SCEL: variants seen among roughly 807,000 people sequenced by gnomAD.
The protein encoded by SCEL is sciellin.
SCEL carries 113 observed loss-of-function variants against 117.6 expected under a neutral mutation model. The observed-to-expected ratio is 0.96, with a 90% CI of 0.83 to 1.12. SCEL has a LOEUF of 1.12. Ranked by LOEUF, SCEL falls within the 50% of genes most tolerant of loss-of-function variation. The pLI, the probability that SCEL is intolerant of heterozygous loss-of-function variation, is 0.00. For missense variants in SCEL, 785 were observed against 810.8 expected, an observed-to-expected ratio of 0.97 and a Z score of 0.39; for synonymous variants, 270 against 256.2, an observed-to-expected ratio of 1.05 and a Z score of -0.51.
chr13:77,621,362 C>A (rs2089407315), intron 27 of SCEL, among the ~76,000 whole-genome samples: 1 of 152,106 alleles, frequency 6.6e-6, no homozygotes, highest in Admixed American at 6.6e-5. Flanking sequence ...ACCCACACAC[C>A]CTCTAACTTG....
At chr13:77,618,834 A>G (rs1231054055) in intron 27 of SCEL, among the ~76,000 whole-genome samples, 1 of 152,198 alleles carries the variant, frequency 6.6e-6, no homozygotes, top group African/African-American at 2.4e-5. Flanking sequence ...ATTAGAATGC[A>G]TGTCTGTAGA....
intron 13 of SCEL, among the ~76,000 whole-genome samples, chr13:77,598,182 C>T (rs1183633588): frequency 1.3e-5 from 2 of 152,054 alleles, no homozygotes; most frequent in African/African-American, 4.8e-5. Context: ...GCTGTATCTT[C>T]TTGTTTTGAA....
intron 15 of SCEL, 50 bp from the exon 16 acceptor site, chr13:77,602,015 G>T (rs776095859): frequency 4.1e-6 from 6 of 1,457,114 alleles, no homozygotes; most frequent in Non-Finnish European, 4.7e-6. Flanking sequence ...TCACTGAGTT[G>T]CTCTTGCCTC....
chr13:77,636,247 A>G (rs2090272300), intron 29 of SCEL, among the ~76,000 whole-genome samples: 1 of 152,184 alleles, frequency 6.6e-6, no homozygotes, highest in African/African-American at 2.4e-5. Flanking sequence ...TCCAGTCTCA[A>G]GTTTCCTCAT....
chr13:77,618,344 C>A (rs1205156859), intron 27 of SCEL, among the ~76,000 whole-genome samples: 1 of 151,580 alleles, frequency 6.6e-6, no homozygotes, highest in Non-Finnish European at 1.5e-5. Context: ...TCATGCCCAG[C>A]AAATTTTTTA....
intron 9 of SCEL, among the ~76,000 whole-genome samples, chr13:77,584,894 T>G (rs576650793): frequency 6.6e-6 from 1 of 152,356 alleles, no homozygotes; most frequent in East Asian, 1.9e-4. Context: ...AACAAAATAC[T>G]GTAGAATCTG....
intron 32 of SCEL, among the ~76,000 whole-genome samples, chr13:77,643,647 T>C (rs1464602936): frequency 1.3e-5 from 2 of 152,114 alleles, no homozygotes; most frequent in African/African-American, 2.4e-5. Flanking sequence ...ATCCAAAGTA[T>C]GGAATTTAAT....
At chr13:77,620,244 A>G (rs1426206227) in intron 27 of SCEL, among the ~76,000 whole-genome samples, 1 of 152,174 alleles carries the variant, frequency 6.6e-6, no homozygotes, top group Non-Finnish European at 1.5e-5. Context: ...TATTTGAAAA[A>G]AGTGACTTCA....
chr13:77,615,327 A>G (rs1245096733), intron 24 of SCEL, among the ~76,000 whole-genome samples: 1 of 152,110 alleles, frequency 6.6e-6, no homozygotes, highest in African/African-American at 2.4e-5. Flanking sequence ...TAGTCTTTAC[A>G]TCACAGCACA....
In SCEL at chr13:77,602,713, G is replaced by T; in HGVS notation, c.1037G>T (p.Arg346Ile). Residue 346 changes from arginine to isoleucine, a missense_variant and splice_region_variant, in exon 17 of 33, where the codon AGA becomes ATA. Arg to Ile is a moderately conservative substitution (Grantham distance 97). Coordinates refer to ENST00000349847, the MANE Select transcript of SCEL (RefSeq NM_144777.3). ...VNARMNKTSR[R>I]SEDLDNATEV... ...GCCAGGATGAATAAAACGAGCAGAA[G>T]GTGAGAACTGAACAGATGTCTCTAA... 6.2e-7 allele frequency: 1 copy of T among 1,612,612 alleles called. No homozygotes were observed. Among genetic ancestry groups the T allele is most frequent in the Non-Finnish European group, 8.5e-7 (1 of 1,178,828 alleles).
chr13:77,541,308 A>C (rs1391899339), intron 1 of SCEL, among the ~76,000 whole-genome samples: 1 of 152,212 alleles, frequency 6.6e-6, no homozygotes, highest in African/African-American at 2.4e-5. Context: ...TTCACCTATT[A>C]TATTATTAAA....
chr13:77,567,861 C>G (rs1030685897), intron 6 of SCEL, 113 bp downstream of exon 6: 14 of 685,050 alleles, frequency 2.0e-5, no homozygotes, highest in Non-Finnish European at 3.2e-5. Flanking sequence ...AATTCTTAGT[C>G]TCTATCATTA....
At chr13:77,553,784 A>C (rs2084489865) in intron 1 of SCEL, among the ~76,000 whole-genome samples, 1 of 151,898 alleles carries the variant, frequency 6.6e-6, no homozygotes, top group South Asian at 2.1e-4. Context: ...CAATAATTAG[A>C]CACTTTACAT....
rs2090721165 is a variant in SCEL, at chr13:77,644,922, T to G, written c.*648T>G. The G allele has an allele frequency of 1.3e-5, 2 of 152,236 alleles. No homozygotes were observed. Among genetic ancestry groups the G allele is most frequent in the Admixed American group, 1.3e-4 (2 of 15,280 alleles). 9.4% of individuals were successfully genotyped at this position (152,236 alleles called of 1,614,324 possible). A position where few individuals can be genotyped will look rare whatever the true frequency, so the allele number is the denominator to read the frequency against. On this transcript the variant is annotated 3_prime_UTR_variant, in exon 33 of 33. Transcript: ENST00000349847. ...ATCATTAGCTCTTTGGAAACATATA[T>G]GCATACATGTTTGTTAAGCCTATTG... is the stretch of plus-strand genomic sequence containing the variant.
At position 77,556,592 on chromosome 13, in the gene SCEL, A is replaced by G. The variant is rs766043783; in HGVS notation, c.44-4A>G. On this transcript the variant is annotated splice_region_variant and splice_polypyrimidine_tract_variant and intron_variant, in intron 2 of 32. Coordinates refer to ENST00000349847, the MANE Select transcript of SCEL (RefSeq NM_144777.3). Reference sequence around the variant, plus strand: ...CTTCCAGTCTTTCATGTTTCTGTTGATAGAGATGAAGAGCACCACTCAGGG... The same window carrying G: ...CTTCCAGTCTTTCATGTTTCTGTTGGTAGAGATGAAGAGCACCACTCAGGG... 1 of 1,611,052 alleles carries G rather than the reference A, an allele frequency of 6.2e-7. No homozygotes were observed. Among genetic ancestry groups the G allele is most frequent in the East Asian group, 2.2e-5 (1 of 44,852 alleles).
chr13:77,599,009 A>G (rs962682035), intron 13 of SCEL, among the ~76,000 whole-genome samples: 15 of 152,132 alleles, frequency 9.9e-5, no homozygotes, highest in Admixed American at 9.8e-4. Flanking sequence ...GTGTGTCCTG[A>G]CCATCATTGT....
Position 77,597,596 on chromosome 13 carries a change from T to C in SCEL, c.797+7T>C. On this transcript the variant is annotated splice_region_variant and intron_variant, in intron 13 of 32. Transcript: ENST00000349847. ...TGAACAAAAGCTTGAATAGGTAAGA[T>C]TTTTAAATGTTTATCTTTTATTACT... 1 of 1,408,872 alleles carries C rather than the reference T, an allele frequency of 7.1e-7. No homozygotes were observed. Among genetic ancestry groups the C allele is most frequent in the Non-Finnish European group, 9.7e-7 (1 of 1,027,018 alleles). 87.3% of individuals were successfully genotyped at this position (1,408,872 alleles called of 1,614,324 possible). A position where few individuals can be genotyped will look rare whatever the true frequency, so the allele number is the denominator to read the frequency against.
intron 11 of SCEL, among the ~76,000 whole-genome samples, chr13:77,592,523 G>A (rs1352671491): frequency 2.0e-5 from 3 of 151,150 alleles, no homozygotes; most frequent in Non-Finnish European, 4.4e-5. Flanking sequence ...AACCATCTAT[G>A]AGATACTGAG....
At chr13:77,555,950 A>G (rs1284044715) in intron 2 of SCEL, 32 bp downstream of exon 2, 1 of 1,600,124 alleles carries the variant, frequency 6.2e-7, no homozygotes, top group Non-Finnish European at 8.6e-7. Context: ...TCACTCAGAA[A>G]ACTTTAAAAT....
Sources: gnomAD v4.1 joint callset for allele counts (sites outside exome capture counted in the v4.1 genomes callset) on GRCh38, gnomAD v4.1.1 for gene constraint, MANE v1.5 for transcripts, NCBI Gene and HGNC (gene_info 2026-07-23, HGNC 2026-07-21) for gene names.